The following SF3A1 variants were observed in gnomAD, a reference collection of about 807,000 sequenced individuals.
The protein encoded by SF3A1 is SAP 114.
A neutral mutation model predicts 89.9 loss-of-function variants in SF3A1; 13 were observed. The ratio of observed to expected loss-of-function variants is 0.14; its 90% confidence interval spans 0.09 to 0.23. The LOEUF (loss-of-function observed/expected upper bound fraction) is 0.23, where lower values mean the gene tolerates loss of function less well. Ranked by LOEUF, SF3A1 falls within the 10% of genes least tolerant of loss-of-function variation. The pLI is 1.00. For synonymous variants in SF3A1, 405 were observed against 374.4 expected (o/e 1.08, Z -0.94); for missense variants, 604 against 1,022.1 (o/e 0.59, Z 5.58).
chr22:30,353,794 G>C (rs1931674501), intron 1 of SF3A1, among the ~76,000 whole-genome samples: 1 of 152,098 alleles, frequency 6.6e-6, no homozygotes. Flanking sequence ...CTTTAATCCG[G>C]TGTCTGAGGA....
At chr22:30,351,371 G>C (rs959985861) in intron 2 of SF3A1, among the ~76,000 whole-genome samples, 6 of 152,098 alleles carry the variant, frequency 3.9e-5, no homozygotes, top group South Asian at 4.1e-4. Context: ...GGAAAGGAAG[G>C]ACCATCCGTT....
At chr22:30,338,733 C>A in intron 11 of SF3A1, 56 bp downstream of exon 11, 1 of 1,610,052 alleles carries the variant, frequency 6.2e-7, no homozygotes, top group South Asian at 1.1e-5. Flanking sequence ...CCAACAGTGT[C>A]CGACCTCAAG....
At chr22:30,334,779 G>T in intron 15 of SF3A1, 84 bp from the exon 16 acceptor site, 2 of 947,786 alleles carry the variant, frequency 2.1e-6, no homozygotes, top group Non-Finnish European at 3.3e-6. Flanking sequence ...CACTTGGTCT[G>T]TTTGCGCTCT....
chr22:30,334,758 T>C, intron 15 of SF3A1, 63 bp from the exon 16 acceptor site: 4 of 1,147,338 alleles, frequency 3.5e-6, no homozygotes, highest in Non-Finnish European at 5.1e-6. Context: ...CGCTGCAACC[T>C]TACAACTGTG....
Position 30,356,842 on chromosome 22 carries a change from C to A in SF3A1, c.-50G>T. On this transcript the variant is annotated 5_prime_UTR_variant, in exon 1 of 16. Coordinates refer to ENST00000215793, the MANE Select transcript of SF3A1 (RefSeq NM_005877.6). ...TCCGCCTCGGTGTCGGTGAGCGGTG[C>A]CGCCTCAAGACAGCCTCCCCGCTCG... 7.7e-7 allele frequency: 1 copy of A among 1,292,278 alleles called. No homozygotes were observed. Among genetic ancestry groups the A allele is most frequent in the Non-Finnish European group, 9.9e-7 (1 of 1,011,550 alleles). 80.1% of individuals were successfully genotyped at this position (1,292,278 alleles called of 1,614,324 possible).
At position 30,355,899 on chromosome 22, in the gene SF3A1, T is replaced by C. The variant is rs5997618; in HGVS notation, c.63+831A>G. On this transcript the variant is annotated intron_variant, in intron 1 of 15. Transcript: ENST00000215793. Reference sequence around the variant, plus strand: ...AAATATTTGCTGGATGAATAAAGGATGCTATTTCCCTTCCCTAGTCACCTA... The same window carrying C: ...AAATATTTGCTGGATGAATAAAGGACGCTATTTCCCTTCCCTAGTCACCTA... Among the ~76,000 whole-genome samples, 511 of 141,748 alleles carry C rather than the reference T, an allele frequency of 3.6e-3. 1 individual carries two copies. The highest frequency in any genetic ancestry group is 0.013 in the African/African-American group (488 of 37,858). 93.0% of individuals were successfully genotyped at this position (141,748 alleles called of 152,430 possible).
intron 2 of SF3A1, among the ~76,000 whole-genome samples, chr22:30,351,387 A>G (rs1020206815): frequency 1.3e-5 from 2 of 152,152 alleles, no homozygotes; most frequent in Non-Finnish European, 2.9e-5. Flanking sequence ...CCGTTAAATG[A>G]TGCATACTGA....
intron 1 of SF3A1, among the ~76,000 whole-genome samples, chr22:30,354,184 C>G (rs143425750): frequency 5.9e-5 from 9 of 152,300 alleles, no homozygotes; most frequent in Admixed American, 5.2e-4. Flanking sequence ...CTTAGAGAAA[C>G]GAAGTTTCTC....
chr22:30,341,453 G>A (rs1472807724), intron 7 of SF3A1, among the ~76,000 whole-genome samples: 1 of 152,224 alleles, frequency 6.6e-6, no homozygotes, highest in Non-Finnish European at 1.5e-5. Context: ...CCGGGCCAGG[G>A]AGGCGGCCAC....
Position 30,333,539 on chromosome 22 carries a change from C to T in SF3A1, c.*1055G>A, listed in dbSNP as rs1930976597. 1.3e-5 allele frequency: 2 copies of T among 152,226 alleles called. No homozygotes were observed. The highest frequency in any genetic ancestry group is 4.8e-5 in the African/African-American group (2 of 41,456). The allele number at this position is 152,226 out of a possible 1,614,324, so 9.4% of individuals were successfully genotyped here. On this transcript the variant is annotated 3_prime_UTR_variant, in exon 16 of 16. Transcript: ENST00000215793. ...GCTTGATTCTAAAGATAACAGCCTGCCTTTACTCAGAAACCAGGACTGTGA... is the reference window on the plus strand; with the variant it reads ...GCTTGATTCTAAAGATAACAGCCTGTCTTTACTCAGAAACCAGGACTGTGA...
At chr22:30,338,002 C>T in intron 11 of SF3A1, 105 bp from the exon 12 acceptor site, 4 of 801,954 alleles carry the variant, frequency 5.0e-6, no homozygotes, top group Non-Finnish European at 8.6e-6. Context: ...GGAGGTTAGA[C>T]AACTACGTCC....
chr22:30,343,185 G>A (rs75265757), intron 4 of SF3A1, among the ~76,000 whole-genome samples: 1,927 of 152,148 alleles, frequency 0.013, 28 homozygotes, highest in African/African-American at 0.043. Context: ...AGTATGAGAC[G>A]GCTGCTTTCA....
chr22:30,337,204 C>T (rs1460946234), intron 12 of SF3A1, 24 bp from the exon 13 acceptor site: 1 of 1,587,724 alleles, frequency 6.3e-7, no homozygotes, highest in East Asian at 2.2e-5. Flanking sequence ...AATAAGCAGC[C>T]CCATGAGAGG....
At position 30,347,262 on chromosome 22, in the gene SF3A1, A is replaced by G. The variant is rs538401918; in HGVS notation, c.186-743T>C. Among the ~76,000 whole-genome samples the G allele has an allele frequency of 2.6e-5, 4 of 152,342 alleles. No homozygotes were observed. In the South Asian group the frequency reaches 6.2e-4, roughly 24 times the overall value. ...CAGTGGGCTAGAATCGTGTCACCGT[A>G]TTCCAGCCTGGAAAACAGAGCAAGA... On this transcript the variant is annotated intron_variant, in intron 2 of 15. Coordinates refer to ENST00000215793, the MANE Select transcript of SF3A1 (RefSeq NM_005877.6).
chr22:30,350,321 AT>A (rs1312414782), intron 2 of SF3A1, among the ~76,000 whole-genome samples: 13 of 150,554 alleles, frequency 8.6e-5, no homozygotes, highest in South Asian at 4.2e-4. Context: ...AATAAAAAAA[AT>A]AAAAAAAAAA....
intron 2 of SF3A1, 122 bp from the exon 3 acceptor site, chr22:30,346,641 G>A (rs1251008614): frequency 2.0e-5 from 21 of 1,043,822 alleles, no homozygotes; most frequent in Non-Finnish European, 2.7e-5. Flanking sequence ...CCATCCCTCA[G>A]CAGACGTCCT....
intron 3 of SF3A1, 182 bp downstream of exon 3, chr22:30,346,130 G>A (rs1305380352): frequency 6.7e-6 from 4 of 598,544 alleles, no homozygotes; most frequent in East Asian, 5.6e-5. Flanking sequence ...CAGTGCTCGG[G>A]AAATGCCAAC....
Position 30,356,711 on chromosome 22 carries a change from A to G in SF3A1, c.63+19T>C. 5 of 1,472,694 alleles carry G rather than the reference A, an allele frequency of 3.4e-6. No homozygotes were observed. Among genetic ancestry groups the G allele is most frequent in the Non-Finnish European group, 4.5e-6 (5 of 1,106,796 alleles). 91.2% of individuals were successfully genotyped at this position (1,472,694 alleles called of 1,614,324 possible). A position where few individuals can be genotyped will look rare whatever the true frequency, so the allele number is the denominator to read the frequency against. ...AGGCCAACCCTCCGGCTGCAGGCTGAGGGGCGGGGGAGAGGTACCTGTTTG... is the reference window on the plus strand; with the variant it reads ...AGGCCAACCCTCCGGCTGCAGGCTGGGGGGCGGGGGAGAGGTACCTGTTTG... On this transcript the variant is annotated intron_variant, in intron 1 of 15. Transcript: ENST00000215793.
In SF3A1 at chr22:30,334,556, G is replaced by C. The variant is rs762810591; in HGVS notation, c.*38C>G. ...GGGGCAGGGGGTGGGAGACAGGAGA[G>C]GCAAAATGGCAGGGACTTGACAGCA... On this transcript the variant is annotated 3_prime_UTR_variant, in exon 16 of 16. Transcript: ENST00000215793. The C allele has an allele frequency of 1.4e-6, 2 of 1,399,970 alleles. No individual in the cohort carries two copies. The highest frequency in any genetic ancestry group is 2.7e-5 in the South Asian group (2 of 75,084). The allele number at this position is 1,399,970 out of a possible 1,614,324, so 86.7% of individuals were successfully genotyped here.
Sources: allele counts gnomAD v4.1 joint callset (sites outside exome capture counted in the v4.1 genomes callset), GRCh38; gene constraint gnomAD v4.1.1; transcripts MANE v1.5; gene names NCBI Gene and HGNC (gene_info 2026-07-23, HGNC 2026-07-21).